MMGT1: variants seen among roughly 807,000 people sequenced by gnomAD.
The protein encoded by MMGT1 is ER membrane protein complex subunit 5.
Under a neutral mutation model 11.7 loss-of-function variants are expected in MMGT1, and 2 were observed. That is an observed-to-expected ratio of 0.17 (90% confidence interval 0.07 to 0.54). The LOEUF (loss-of-function observed/expected upper bound fraction) is 0.54. MMGT1 is among the 20% of genes least tolerant of loss of function. The pLI, the probability that MMGT1 is intolerant of heterozygous loss-of-function variation, is 0.94. For synonymous variants in MMGT1, 49 were observed against 44.4 expected, an observed-to-expected ratio of 1.10 and a Z score of -0.41; for missense variants, 74 against 109.0, an observed-to-expected ratio of 0.68 and a Z score of 1.43.
At position 135,965,066 on chromosome X, in the gene MMGT1, G is replaced by A. The variant is rs1352804010; in HGVS notation, c.354C>T (p.Asn118=). Residue 118 remains asparagine, a synonymous_variant, in exon 4 of 4, where the codon AAC becomes AAT. Coordinates refer to ENST00000305963, the MANE Select transcript of MMGT1 (RefSeq NM_173470.3). ...NSSNQDALSS[N]TSLKLRKLES... Reference sequence around the variant, plus strand: ...CGAGTTTTCGTAACTTCAATGATGTGTTAGAGGACAATGCATCTTGGTTTG... The same window carrying A: ...CGAGTTTTCGTAACTTCAATGATGTATTAGAGGACAATGCATCTTGGTTTG... 2 of 1,209,925 alleles carry A rather than the reference G, an allele frequency of 1.7e-6. No homozygotes were observed. The highest frequency in any genetic ancestry group is 2.3e-4 in the Middle Eastern group (1 of 4,347).
Position 135,967,443 on chromosome X carries a change from A to C in MMGT1, c.183T>G (p.Val61=). The change falls in exon 3 of 4, where the codon GTT becomes GTG. Residue 61 remains valine, a synonymous_variant. Transcript: ENST00000305963. ...LAFAVTCYGI[V]HIAGEFKDMD... Reference sequence around the variant, plus strand: ...TGTCTTTAAACTCTCCTGCAATATGAACTATACCGTAACAGGTAACTGCAA... The same window carrying C: ...TGTCTTTAAACTCTCCTGCAATATGCACTATACCGTAACAGGTAACTGCAA... 8.3e-7 allele frequency: 1 copy of C among 1,200,927 alleles called. No individual in the cohort carries two copies. Among genetic ancestry groups the C allele is most frequent in the South Asian group, 1.8e-5 (1 of 55,253 alleles).
chrX:135,968,499 T>TTGTGTGTGTGTGTGTGTGTGTG (rs61012323), intron 2 of MMGT1, among the ~76,000 whole-genome samples: 13 of 85,033 alleles, frequency 1.5e-4, no homozygotes, highest in African/African-American at 4.0e-4. Context: ...CATTATGTCA[T>TTGTGTGTGTGTGTGTGTGTGTG]TGTGTGTGTG....
At chrX:135,967,538 T>A (rs782542889) in intron 2 of MMGT1, 45 bp from the exon 3 acceptor site, 3 of 764,258 alleles carry the variant, frequency 3.9e-6, no homozygotes, top group Non-Finnish European at 5.7e-6. Flanking sequence ...CAAACATTAT[T>A]ATAAATATTT....
rs184169844 is a variant in MMGT1, at chrX:135,961,631, T to A, written c.*3393A>T. 8.9e-6 allele frequency among the ~76,000 whole-genome samples: 1 copy of A among 111,789 alleles called. No homozygotes were observed. Among genetic ancestry groups the A allele is most frequent in the African/African-American group, 3.3e-5 (1 of 30,755 alleles). On this transcript the variant is annotated 3_prime_UTR_variant, in exon 4 of 4. Coordinates refer to ENST00000305963, the MANE Select transcript of MMGT1 (RefSeq NM_173470.3). ...CCGGTGGTGTTATTTTTCAAAATACTGTAGATAAGTGCCAAGTTTTGCAAT... is the reference window on the plus strand; with the variant it reads ...CCGGTGGTGTTATTTTTCAAAATACAGTAGATAAGTGCCAAGTTTTGCAAT...
intron 2 of MMGT1, among the ~76,000 whole-genome samples, chrX:135,970,359 C>T (rs1229467685): frequency 2.7e-5 from 3 of 110,614 alleles, no homozygotes; most frequent in Non-Finnish European, 5.7e-5. Flanking sequence ...AAGAGCAAAA[C>T]ATTGTCTCAA....
In MMGT1 at chrX:135,962,676, A is replaced by AT. The variant is rs2148116230; in HGVS notation, c.*2347_*2348insA. On this transcript the variant is annotated 3_prime_UTR_variant, in exon 4 of 4. Transcript: ENST00000305963. ...AGGTATACAAGCTGCTAGCAAAGAT[A>AT]GACACACGTGAAAACCACTTTGTCA... is the stretch of plus-strand genomic sequence containing the variant. The AT allele has an allele frequency of 8.9e-6, 1 of 112,324 alleles. No individual in the cohort carries two copies. Among genetic ancestry groups the AT allele is most frequent in the African/African-American group, 3.2e-5 (1 of 30,953 alleles). The allele number at this position is 112,324 out of a possible 1,213,427, so 9.3% of individuals were successfully genotyped here. A position where few individuals can be genotyped will look rare whatever the true frequency, so the allele number is the denominator to read the frequency against.
At position 135,960,948 on chromosome X, in the gene MMGT1, C is replaced by T. The variant is rs1199624778; in HGVS notation, c.*4076G>A. 8.9e-6 allele frequency among the ~76,000 whole-genome samples: 1 copy of T among 112,026 alleles called. No homozygotes were observed. Reference sequence around the variant, plus strand: ...TATTCACTTTCACATGATCAGACTTCAAAAGTTTAGTACCCAGTATTGGCA... The same window carrying T: ...TATTCACTTTCACATGATCAGACTTTAAAAGTTTAGTACCCAGTATTGGCA... On this transcript the variant is annotated 3_prime_UTR_variant, in exon 4 of 4. Coordinates refer to ENST00000305963, the MANE Select transcript of MMGT1 (RefSeq NM_173470.3).
At position 135,961,329 on chromosome X, in the gene MMGT1, A is replaced by G. The variant is rs374653174; in HGVS notation, c.*3695T>C. 1.2e-4 allele frequency among the ~76,000 whole-genome samples: 13 copies of G among 111,818 alleles called. No individual in the cohort carries two copies. The highest frequency in any genetic ancestry group is 2.9e-4 in the African/African-American group (9 of 30,819). On this transcript the variant is annotated 3_prime_UTR_variant, in exon 4 of 4. Transcript: ENST00000305963. Reference sequence around the variant, plus strand: ...TAGCAAAAAAAGCAAGGTACAGAAGAGTATATATAGTCTGATTCTATTAAT... The same window carrying G: ...TAGCAAAAAAAGCAAGGTACAGAAGGGTATATATAGTCTGATTCTATTAAT...
At position 135,965,125 on chromosome X, in the gene MMGT1, C is replaced by T; in HGVS notation, c.295G>A (p.Val99Ile). Residue 99 changes from valine to isoleucine, a missense_variant, in exon 4 of 4, where the codon GTA becomes ATA. By Grantham distance (29) the Val-to-Ile change is conservative. Around this residue, in one of 2 missense-constraint regions of MMGT1, gnomAD observed 34 missense variants for 29.3 expected, o/e 1.16. Coordinates refer to ENST00000305963, the MANE Select transcript of MMGT1 (RefSeq NM_173470.3). ...GCTGTATCCGAAGGCCGGAAAAGTA[C>T]TCGACCACGATGATTAAATACATAA... ...SFYVFNHRGR[V>I]LFRPSDTANS... The T allele has an allele frequency of 1.7e-6, 2 of 1,207,980 alleles. No individual in the cohort carries two copies. The highest frequency in any genetic ancestry group is 2.2e-6 in the Non-Finnish European group (2 of 892,255).
chrX:135,962,154 T>C lies in MMGT1; in HGVS notation c.*2870A>G, dbSNP rs1387533680. ...CATATCCCAAAAACACGTGTTTAGTTTGGTGTTACAGGCATTGATGCTCAC... is the reference window on the plus strand; with the variant it reads ...CATATCCCAAAAACACGTGTTTAGTCTGGTGTTACAGGCATTGATGCTCAC... On this transcript the variant is annotated 3_prime_UTR_variant, in exon 4 of 4. Coordinates refer to ENST00000305963, the MANE Select transcript of MMGT1 (RefSeq NM_173470.3). 9.0e-6 allele frequency: 1 copy of C among 111,476 alleles called. No individual in the cohort carries two copies. Among genetic ancestry groups the C allele is most frequent in the African/African-American group, 3.3e-5 (1 of 30,670 alleles). The allele number at this position is 111,476 out of a possible 1,213,427, so 9.2% of individuals were successfully genotyped here.
At position 135,962,001 on chromosome X, in the gene MMGT1, TGG is replaced by T. The variant is rs782738783; in HGVS notation, c.*3021_*3022del. On this transcript the variant is annotated 3_prime_UTR_variant, in exon 4 of 4. Coordinates refer to ENST00000305963, the MANE Select transcript of MMGT1 (RefSeq NM_173470.3). ...CATAAAATTAGCTCTTACATTTTTC[TGG>T]GGACAGAAAAGCAGAAGAAATGAGA... 9.2e-6 allele frequency: 1 copy of T among 108,820 alleles called. No individual in the cohort carries two copies. Among genetic ancestry groups the T allele is most frequent in the Non-Finnish European group, 1.9e-5 (1 of 52,437 alleles). 9.0% of individuals were successfully genotyped at this position (108,820 alleles called of 1,213,427 possible).
At chrX:135,967,636 G>A in intron 2 of MMGT1, 143 bp from the exon 3 acceptor site, 1 of 397,133 alleles carries the variant, frequency 2.5e-6, no homozygotes, top group African/African-American at 2.6e-5. Flanking sequence ...TGAAATGACT[G>A]GGATTCAGAC....
chrX:135,973,825 G>A lies in MMGT1; in HGVS notation c.-150C>T. The A allele has an allele frequency of 8.6e-7, 1 of 1,163,593 alleles. No homozygotes were observed. The highest frequency in any genetic ancestry group is 1.1e-6 in the Non-Finnish European group (1 of 871,721). On this transcript the variant is annotated 5_prime_UTR_variant, in exon 1 of 4. Transcript: ENST00000305963. ...TCAGTGGTGGAAAAGCCAGAGGGCT[G>A]TGAGAAAACGGAAACAGGAATGCCG...
At chrX:135,965,560 A>G (rs1245853478) in intron 3 of MMGT1, among the ~76,000 whole-genome samples, 1 of 110,589 alleles carries the variant, frequency 9.0e-6, no homozygotes, top group Non-Finnish European at 1.9e-5. Context: ...ACCACCACAC[A>G]TGGCTTTCTT....
chrX:135,966,068 G>A (rs1355006377), intron 3 of MMGT1, among the ~76,000 whole-genome samples: 26 of 112,215 alleles, frequency 2.3e-4, no homozygotes, highest in African/African-American at 7.8e-4. Context: ...CTTTGTAAGA[G>A]CAAGCAGTGA....
Position 135,964,961 on chromosome X carries a change from T to C in MMGT1, c.*63A>G, listed in dbSNP as rs1466731585. ...CTAATGGGGGCAGGGAGGAGTGTTT[T>C]ATACCCCAAACTCCAATATTCCAGC... On this transcript the variant is annotated 3_prime_UTR_variant, in exon 4 of 4. Coordinates refer to ENST00000305963, the MANE Select transcript of MMGT1 (RefSeq NM_173470.3). 9.5e-7 allele frequency: 1 copy of C among 1,054,883 alleles called. No individual in the cohort carries two copies. The highest frequency in any genetic ancestry group is 1.3e-6 in the Non-Finnish European group (1 of 765,202). The allele number at this position is 1,054,883 out of a possible 1,213,427, so 86.9% of individuals were successfully genotyped here.
At chrX:135,967,651 T>C (rs1374059746) in intron 2 of MMGT1, among the ~76,000 whole-genome samples, 158 bp from the exon 3 acceptor site, 1 of 111,859 alleles carries the variant, frequency 8.9e-6, no homozygotes, top group African/African-American at 3.3e-5. Flanking sequence ...TCAGACACAA[T>C]ACAATCTATA....
chrX:135,966,153 G>C (rs1556611935), intron 3 of MMGT1, among the ~76,000 whole-genome samples: 1 of 112,205 alleles, frequency 8.9e-6, no homozygotes, highest in Non-Finnish European at 1.9e-5. Flanking sequence ...ACCTTGGTGT[G>C]TGGCCTTTAT....
At chrX:135,970,434 T>G (rs185576938) in intron 2 of MMGT1, among the ~76,000 whole-genome samples, 116 of 112,369 alleles carry the variant, frequency 1.0e-3, no homozygotes, top group African/African-American at 3.5e-3. Flanking sequence ...AACAATGTAC[T>G]GTTGGCTTTA....
Sources: gnomAD v4.1 joint callset for allele counts (sites outside exome capture counted in the v4.1 genomes callset) on GRCh38, gnomAD v4.1.1 for gene constraint, gnomAD v4.1.1 regional missense constraint, MANE v1.5 for transcripts, NCBI Gene and HGNC (gene_info 2026-07-23, HGNC 2026-07-21) for gene names.